SBF2: variants seen among roughly 807,000 people sequenced by gnomAD.
SBF2 encodes SET binding factor 2.
Under a neutral mutation model 225.2 loss-of-function variants are expected in SBF2, and 112 were observed. The ratio of observed to expected loss-of-function variants is 0.50; its 90% confidence interval spans 0.43 to 0.58. SBF2 has a LOEUF of 0.58. Among genes scored for constraint, SBF2 ranks in the 20% least tolerant of loss-of-function variants. The pLI is 0.00. For missense variants in SBF2, 1,996 were observed against 2,206.2 expected, an observed-to-expected ratio of 0.90 and a Z score of 1.91; for synonymous variants, 763 against 773.3, an observed-to-expected ratio of 0.99 and a Z score of 0.22.
intron 17 of SBF2, among the ~76,000 whole-genome samples, chr11:9,878,546 T>C (rs1246155727): frequency 1.3e-5 from 2 of 152,218 alleles, no homozygotes; most frequent in African/African-American, 4.8e-5. Context: ...TTTAAAAAAA[T>C]CTGTGTACAT....
At chr11:9,852,461 T>A (rs1857027469) in intron 21 of SBF2, among the ~76,000 whole-genome samples, 1 of 152,232 alleles carries the variant, frequency 6.6e-6, no homozygotes, top group Non-Finnish European at 1.5e-5. Flanking sequence ...TTATTATTGC[T>A]CCTTTGTTGA....
intron 2 of SBF2, among the ~76,000 whole-genome samples, chr11:10,066,843 T>G (rs973310157): frequency 1.3e-5 from 2 of 152,182 alleles, no homozygotes; most frequent in East Asian, 3.8e-4. Flanking sequence ...AAGAGTGGAC[T>G]CTACAAAGAG....
chr11:10,042,064 T>C (rs903221715), intron 3 of SBF2, among the ~76,000 whole-genome samples: 2 of 152,204 alleles, frequency 1.3e-5, no homozygotes, highest in African/African-American at 2.4e-5. Context: ...GTCAGCAGTG[T>C]GAATATCTGC....
At chr11:10,118,370 A>T (rs775187465) in intron 2 of SBF2, among the ~76,000 whole-genome samples, 1 of 152,206 alleles carries the variant, frequency 6.6e-6, no homozygotes, top group Admixed American at 6.5e-5. Context: ...GTCAGGCAGA[A>T]TAAGATCCAT....
intron 16 of SBF2, among the ~76,000 whole-genome samples, chr11:9,931,788 G>C (rs761950761): frequency 5.8e-4 from 89 of 152,178 alleles, no homozygotes; most frequent in Non-Finnish European, 1.0e-3. Flanking sequence ...ACTTTGATGA[G>C]TTGACAGAAG....
chr11:10,011,745 T>C (rs1451249387), intron 6 of SBF2, among the ~76,000 whole-genome samples: 49 of 152,200 alleles, frequency 3.2e-4, no homozygotes, highest in Admixed American at 1.3e-4. Context: ...GTTCTATTGA[T>C]TCATATAGAT....
chr11:9,993,492 G>A (rs1026931191), intron 10 of SBF2, among the ~76,000 whole-genome samples: 21 of 152,168 alleles, frequency 1.4e-4, no homozygotes, highest in African/African-American at 4.6e-4. Context: ...ACCTTTTATG[G>A]CTTCTAATTG....
intron 17 of SBF2, among the ~76,000 whole-genome samples, chr11:9,880,511 T>C (rs538802638): frequency 6.6e-6 from 1 of 152,284 alleles, no homozygotes; most frequent in South Asian, 2.1e-4. Context: ...CCCTGTAGAT[T>C]TGGTTTGTAA....
At chr11:10,074,204 G>A (rs1225385513) in intron 2 of SBF2, among the ~76,000 whole-genome samples, 1 of 152,134 alleles carries the variant, frequency 6.6e-6, no homozygotes, top group African/African-American at 2.4e-5. Flanking sequence ...GTACATGGGA[G>A]TTCATTGTTC....
At chr11:10,094,453 T>C (rs1170052842) in intron 2 of SBF2, among the ~76,000 whole-genome samples, 1 of 152,054 alleles carries the variant, frequency 6.6e-6, no homozygotes, top group East Asian at 1.9e-4. Context: ...CCTATAAAGG[T>C]TGTGCATATG....
At position 9,858,142 on chromosome 11, in the gene SBF2, G is replaced by GT. The variant is rs540451232; in HGVS notation, c.2100+83dup. On this transcript the variant is annotated intron_variant, in intron 18 of 39. Transcript: ENST00000256190. ...AATACACTGGCAGGAAGTAGCTAGA[G>GT]TTTTTTTTGCCCTGGGAACATCTGC... is the stretch of plus-strand genomic sequence containing the variant. 1.4e-4 allele frequency: 213 copies of GT among 1,506,578 alleles called. 1 individual carries two copies. The highest frequency in any genetic ancestry group is 1.3e-3 in the Admixed American group (79 of 59,786). 93.3% of individuals were successfully genotyped at this position (1,506,578 alleles called of 1,614,324 possible).
At chr11:10,107,692 A>G (rs914900974) in intron 2 of SBF2, among the ~76,000 whole-genome samples, 5 of 152,016 alleles carry the variant, frequency 3.3e-5, no homozygotes, top group African/African-American at 9.7e-5. Flanking sequence ...TATTATTCCA[A>G]TCTCTGCCTC....
At chr11:10,224,967 A>G (rs533105552) in intron 1 of SBF2, among the ~76,000 whole-genome samples, 1 of 152,320 alleles carries the variant, frequency 6.6e-6, no homozygotes, top group South Asian at 2.1e-4. Context: ...TTATTAACTG[A>G]AAGCTCAAGA....
At chr11:10,017,754 C>T (rs990818641) in intron 6 of SBF2, among the ~76,000 whole-genome samples, 2 of 152,004 alleles carry the variant, frequency 1.3e-5, no homozygotes, top group East Asian at 3.9e-4. Context: ...TTTACACACA[C>T]AAATAGAGCT....
At chr11:10,215,542 G>A (rs1958097483) in intron 1 of SBF2, among the ~76,000 whole-genome samples, 1 of 152,120 alleles carries the variant, frequency 6.6e-6, no homozygotes, top group Non-Finnish European at 1.5e-5. Flanking sequence ...AGGATCGCTT[G>A]AGCCCAGGAG....
At chr11:9,874,957 A>G (rs1859095273) in intron 17 of SBF2, among the ~76,000 whole-genome samples, 1 of 152,270 alleles carries the variant, frequency 6.6e-6, no homozygotes, top group Non-Finnish European at 1.5e-5. Flanking sequence ...CAGCATTGTA[A>G]GCTGATTATA....
chr11:9,948,237 A>C (rs1244020037), intron 16 of SBF2, among the ~76,000 whole-genome samples: 4 of 151,998 alleles, frequency 2.6e-5, no homozygotes, highest in Admixed American at 6.6e-5. Context: ...ACAAGGTAGC[A>C]TGGTGGTTGC....
intron 13 of SBF2, among the ~76,000 whole-genome samples, chr11:9,977,070 T>C (rs981703249): frequency 2.9e-4 from 44 of 152,212 alleles, no homozygotes; most frequent in African/African-American, 1.1e-3. Flanking sequence ...ACTGATTTCT[T>C]AATGCCCTGA....
chr11:9,981,435 T>C (rs1367686561), intron 13 of SBF2, among the ~76,000 whole-genome samples: 2 of 152,206 alleles, frequency 1.3e-5, no homozygotes, highest in Non-Finnish European at 2.9e-5. Context: ...TCTGCACATG[T>C]GCCCCTTAAT....
Sources: allele counts gnomAD v4.1 joint callset (sites outside exome capture counted in the v4.1 genomes callset), GRCh38; gene constraint gnomAD v4.1.1; transcripts MANE v1.5; gene names NCBI Gene and HGNC (gene_info 2026-07-23, HGNC 2026-07-21).